The following ABCD3 variants were observed in gnomAD, a reference collection of about 807,000 sequenced individuals.
ABCD3 encodes ATP-binding cassette sub-family D member 3.
A neutral mutation model predicts 105.5 loss-of-function variants in ABCD3; 41 were observed. That is an observed-to-expected ratio of 0.39 (90% CI 0.30 to 0.50). The LOEUF is 0.50. ABCD3 is among the 20% of genes least tolerant of loss of function. The pLI is 0.84. For synonymous variants in ABCD3, 258 were observed against 269.0 expected (o/e 0.96, Z 0.40); for missense variants, 622 against 806.3 (o/e 0.77, Z 2.77).
At chr1:94,473,288 C>T (rs1648573046) in intron 4 of ABCD3, among the ~76,000 whole-genome samples, 1 of 152,100 alleles carries the variant, frequency 6.6e-6, no homozygotes, top group South Asian at 2.1e-4. Flanking sequence ...TTAGGGTGCA[C>T]AAAGCCTAAA....
At chr1:94,483,284 T>C (rs759687182) in intron 10 of ABCD3, 45 bp downstream of exon 10, 3 of 1,482,492 alleles carry the variant, frequency 2.0e-6, no homozygotes, top group South Asian at 1.1e-5. Flanking sequence ...GAAAGGGTTT[T>C]TTTTGTTTGT....
Position 94,451,280 on chromosome 1 carries a change from C to T in ABCD3, c.111-7327C>T, listed in dbSNP as rs573498814. ...TTGTTTTCTGTAATTTCTGCTGGTC[C>T]TTGGTTATGGAGTCTAATTTCCTTA... On this transcript the variant is annotated intron_variant, in intron 1 of 22. Transcript: ENST00000370214. 5.9e-5 allele frequency among the ~76,000 whole-genome samples: 9 copies of T among 152,196 alleles called. No individual in the cohort carries two copies. The South Asian group carries it at 1.9e-3, about 32-fold the overall frequency.
intron 22 of ABCD3, among the ~76,000 whole-genome samples, chr1:94,516,265 AG>A (rs1365813995): frequency 2.0e-5 from 3 of 151,964 alleles, no homozygotes; most frequent in Admixed American, 2.0e-4. Context: ...AAAATTAGAC[AG>A]GTAGCCTATA....
intron 4 of ABCD3, among the ~76,000 whole-genome samples, chr1:94,469,101 C>T (rs1557676065): frequency 6.6e-6 from 1 of 152,186 alleles, no homozygotes; most frequent in East Asian, 1.9e-4. Flanking sequence ...ACATGAATTC[C>T]TTGGCTCCTC....
chr1:94,428,625 G>GT (rs1397328538), intron 1 of ABCD3, among the ~76,000 whole-genome samples: 4 of 152,144 alleles, frequency 2.6e-5, no homozygotes, highest in Admixed American at 6.5e-5. Flanking sequence ...ATAGTGAACG[G>GT]TTTTTTAAAG....
intron 1 of ABCD3, among the ~76,000 whole-genome samples, chr1:94,457,428 A>G (rs2100957283): frequency 6.6e-6 from 1 of 152,298 alleles, no homozygotes. Context: ...CATTCGGCAG[A>G]TCATCGGAGT....
chr1:94,426,224 T>G (rs1659464587), intron 1 of ABCD3, among the ~76,000 whole-genome samples: 2 of 152,222 alleles, frequency 1.3e-5, no homozygotes, highest in African/African-American at 2.4e-5. Flanking sequence ...GAAAGTATCT[T>G]AAGTTAGTTT....
rs1648983894 is a variant in ABCD3, at chr1:94,480,577, A to G, written c.798A>G (p.Arg266=). ...ITEQKYEGEY[R]YVNSRLITNS... ...AGCAAAAGTATGAAGGAGAATATAG[A>G]TATGTTAATTCTCGGCTCATCACAA... Residue 266 remains arginine, a synonymous_variant, in exon 9 of 23, where the codon AGA becomes AGG. Transcript: ENST00000370214. The G allele has an allele frequency of 6.2e-7, 1 of 1,613,830 alleles. No individual in the cohort carries two copies. Among genetic ancestry groups the G allele is most frequent in the Non-Finnish European group, 8.5e-7 (1 of 1,179,790 alleles).
Position 94,418,484 on chromosome 1 carries a change from G to C in ABCD3, c.6G>C (p.Ala2=). 1 of 1,600,064 alleles carries C rather than the reference G, an allele frequency of 6.2e-7. No homozygotes were observed. The highest frequency in any genetic ancestry group is 1.1e-5 in the South Asian group (1 of 90,302). The part of the protein sequence containing the change: M[A]AFSKYLTARN... ...TCGCTGGTACCGGCAGTGCCATGGC[G>C]GCCTTCAGCAAGTACTTGACGGCGC... Residue 2 remains alanine (A), a synonymous_variant, in exon 1 of 23, where the codon GCG becomes GCC. Transcript: ENST00000370214.
chr1:94,418,705 G>A, intron 1 of ABCD3, 117 bp downstream of exon 1: 1 of 1,071,488 alleles, frequency 9.3e-7, no homozygotes, highest in Non-Finnish European at 1.4e-6. Context: ...CGGAGAGAGG[G>A]CCGACCGCGA....
upstream of ABCD3, among the ~76,000 whole-genome samples, chr1:94,414,272 G>A (rs529992578): frequency 2.0e-5 from 3 of 152,248 alleles, no homozygotes; most frequent in South Asian, 4.2e-4. Context: ...CTGTGTCTCC[G>A]ACCTTGGGTA....
chr1:94,385,529 T>G, the ABCD3 span, among the ~76,000 whole-genome samples: 1 of 152,212 alleles, frequency 6.6e-6, no homozygotes, highest in Non-Finnish European at 1.5e-5. Context: ...CAGGAGCCAC[T>G]GACACCAACC....
At chr1:94,435,269 G>A (rs777550901) in intron 1 of ABCD3, among the ~76,000 whole-genome samples, 1 of 152,170 alleles carries the variant, frequency 6.6e-6, no homozygotes, top group South Asian at 2.1e-4. Flanking sequence ...GCCAGGCATG[G>A]TGGTTCTCAC....
the ABCD3 span, among the ~76,000 whole-genome samples, chr1:94,407,987 G>A: frequency 6.6e-6 from 1 of 152,244 alleles, no homozygotes; most frequent in African/African-American, 2.4e-5. Context: ...TACAACGGCA[G>A]AGCCGAATAG....
chr1:94,478,788 T>G, intron 8 of ABCD3: 1 of 642,086 alleles, frequency 1.6e-6, no homozygotes, highest in Non-Finnish European at 2.2e-6. Flanking sequence ...CATTTTAATA[T>G]GAAATTCTAA....
At chr1:94,406,326 T>C in the ABCD3 span, 65 of 230,348 alleles carry the variant, frequency 2.8e-4, 3 homozygotes, top group Admixed American at 3.6e-3. Context: ...AGAGTCTTTA[T>C]AGTATTTTGT....
chr1:94,443,970 A>G (rs1660234584), intron 1 of ABCD3, among the ~76,000 whole-genome samples: 1 of 152,040 alleles, frequency 6.6e-6, no homozygotes, highest in Admixed American at 6.6e-5. Context: ...ATTTTTCCCA[A>G]AATTAAACTT....
At chr1:94,388,167 A>G in the ABCD3 span, among the ~76,000 whole-genome samples, 2 of 152,236 alleles carry the variant, frequency 1.3e-5, no homozygotes, top group Non-Finnish European at 2.9e-5. Flanking sequence ...AGGGATAGAC[A>G]TGAAATTTAT....
the ABCD3 span, among the ~76,000 whole-genome samples, chr1:94,400,718 A>G: frequency 6.6e-6 from 1 of 152,228 alleles, no homozygotes; most frequent in Non-Finnish European, 1.5e-5. Context: ...CTATAGTATG[A>G]TAATAGCCGA....
Sources: allele counts gnomAD v4.1 joint callset (sites outside exome capture counted in the v4.1 genomes callset), GRCh38; gene constraint gnomAD v4.1.1; transcripts MANE v1.5; gene names NCBI Gene and HGNC (gene_info 2026-07-23, HGNC 2026-07-21).